The following CCDC183 variants were observed in gnomAD, a reference collection of about 807,000 sequenced individuals.
The protein encoded by CCDC183 is coiled-coil domain-containing protein 183.
CCDC183 carries 63 observed loss-of-function variants against 65.2 expected under a neutral mutation model. The ratio of observed to expected loss-of-function variants is 0.97; its 90% CI spans 0.79 to 1.19. CCDC183 has a LOEUF of 1.19. CCDC183 is among the 50% of genes most tolerant of loss of function. The probability of loss-of-function intolerance (pLI) is 0.00; values close to 1 mark genes in which losing one functional copy is unlikely to be tolerated. For missense variants in CCDC183, 769 were observed against 689.3 expected (o/e 1.12, Z -1.30); for synonymous variants, 323 against 276.5 (o/e 1.17, Z -1.67).
Position 136,807,659 on chromosome 9 carries a change from A to AGGCGGCCAATCTTG in CCDC183, c.1575_1576insGCGGCCAATCTTGG (p.Leu526AlafsTer27). 1 of 1,604,150 alleles carries AGGCGGCCAATCTTG rather than the reference A, an allele frequency of 6.2e-7. No individual in the cohort carries two copies. Among genetic ancestry groups the AGGCGGCCAATCTTG allele is most frequent in the East Asian group, 2.3e-5 (1 of 44,320 alleles). ...CAGGCGCAGCGGCTAATCGAGGGGAAGCTCAAGGCGGCCAAGAAAAAGAAG... is the reference window on the plus strand; with the variant it reads ...CAGGCGCAGCGGCTAATCGAGGGGAAGGCGGCCAATCTTGGCTCAAGGCGGCCAAGAAAAAGAAG... On this transcript the variant is annotated frameshift_variant, in exon 14 of 14. Transcript: ENST00000338005. LOFTEE classifies it high-confidence loss of function.
intron 11 of CCDC183, 42 bp downstream of exon 11, chr9:136,806,714 G>A (rs377524386): frequency 6.2e-7 from 1 of 1,613,220 alleles, no homozygotes; most frequent in African/African-American, 1.3e-5. Context: ...CAGGTCCCTG[G>A]GCAGGGCCAG....
Position 136,804,101 on chromosome 9 carries a change from T to G in CCDC183, c.667-401T>G. ...ACGAGAGTGGCGAGGGTGAGAGCAGTGTCTGGGGTGCGTGAGCAGGGGTTA... is the reference window on the plus strand; with the variant it reads ...ACGAGAGTGGCGAGGGTGAGAGCAGGGTCTGGGGTGCGTGAGCAGGGGTTA... On this transcript the variant is annotated intron_variant, in intron 6 of 13. Coordinates refer to ENST00000338005, the MANE Select transcript of CCDC183 (RefSeq NM_001039374.5). The surrounding 1 kb of genome is among the most constrained non-coding windows in gnomAD (Gnocchi z 4.1). 1 of 210,132 alleles carries G rather than the reference T, an allele frequency of 4.8e-6. No individual in the cohort carries two copies. 13.0% of individuals were successfully genotyped at this position (210,132 alleles called of 1,614,324 possible). A position where few individuals can be genotyped will look rare whatever the true frequency, so the allele number is the denominator to read the frequency against.
Position 136,805,343 on chromosome 9 carries a change from C to T in CCDC183, c.848-14C>T. ...TCCCTGCATGCTGACTGCCCCTCCC[C>T]TCTGCTCTGCCAGTGAGGAGAAAAG... On this transcript the variant is annotated splice_polypyrimidine_tract_variant and intron_variant, in intron 8 of 13. Transcript: ENST00000338005. 1 of 1,608,084 alleles carries T rather than the reference C, an allele frequency of 6.2e-7. No individual in the cohort carries two copies.
At position 136,799,441 on chromosome 9, in the gene CCDC183, T is replaced by A. The variant is rs551030286; in HGVS notation, c.192+218T>A. 76 of 818,748 alleles carry A rather than the reference T, an allele frequency of 9.3e-5. No individual in the cohort carries two copies. The Admixed American group carries it at 1.3e-3, about 14-fold the overall frequency. 50.7% of individuals were successfully genotyped at this position (818,748 alleles called of 1,614,324 possible). A position where few individuals can be genotyped will look rare whatever the true frequency, so the allele number is the denominator to read the frequency against. On this transcript the variant is annotated intron_variant, in intron 2 of 13. Transcript: ENST00000338005. ...CACCACCCAACCCGAGGGCTTGGCA[T>A]CTGTGAGCCCACATCCTGCAGCAGG...
chr9:136,800,162 T>G lies in CCDC183; in HGVS notation c.431T>G (p.Leu144Arg). ...QPDASKEELR[L>R]LQIIRQLENN... ...GACGCCAGCAAGGAGGAGCTGCGGC[T>G]GCTGCAGGTGGAGAGGCGGGGCTGG... Residue 144 changes from leucine (L) to arginine (R), a missense_variant, in exon 4 of 14, where the codon CTG (leucine) becomes CGG (arginine). Coordinates refer to ENST00000338005, the MANE Select transcript of CCDC183 (RefSeq NM_001039374.5). 6 of 1,250,784 alleles carry G rather than the reference T, an allele frequency of 4.8e-6. No homozygotes were observed. Among genetic ancestry groups the G allele is most frequent in the Non-Finnish European group, 6.4e-6 (6 of 940,188 alleles). The allele number at this position is 1,250,784 out of a possible 1,614,324, so 77.5% of individuals were successfully genotyped here. A position where few individuals can be genotyped will look rare whatever the true frequency, so the allele number is the denominator to read the frequency against.
Position 136,804,368 on chromosome 9 carries a change from G to C in CCDC183, c.667-134G>C, listed in dbSNP as rs903218620. 8 of 1,236,616 alleles carry C rather than the reference G, an allele frequency of 6.5e-6. No homozygotes were observed. Among genetic ancestry groups the C allele is most frequent in the African/African-American group, 4.5e-5 (3 of 66,060 alleles). 76.6% of individuals were successfully genotyped at this position (1,236,616 alleles called of 1,614,324 possible). On this transcript the variant is annotated intron_variant, in intron 6 of 13. Coordinates refer to ENST00000338005, the MANE Select transcript of CCDC183 (RefSeq NM_001039374.5). This position sits in a 1 kb window ranked among gnomAD's most constrained non-coding sequence, Gnocchi z 4.1. ...ACGGGCACAAGTGGTTTAGGAAAAG[G>C]GTGTGGCCATTGGCCGGGGATGCAG...
rs139238147 is a variant in CCDC183, at chr9:136,806,849, G to A, written c.1371G>A (p.Met457Ile). The A allele has an allele frequency of 6.2e-7, 1 of 1,613,380 alleles. No homozygotes were observed. Among genetic ancestry groups the A allele is most frequent in the African/African-American group, 1.3e-5 (1 of 74,914 alleles). Residue 457 changes from methionine to isoleucine, a missense_variant, in exon 12 of 14, where the codon ATG (methionine) becomes ATA (isoleucine). By Grantham distance (10) the Met-to-Ile change is conservative (BLOSUM62 1). Transcript: ENST00000338005. Reference protein sequence around the residue: ...KLTYLADRVQMVSRTEEGDTK... With the variant: ...KLTYLADRVQIVSRTEEGDTK... ...CGTACCTGGCTGACAGAGTGCAGAT[G>A]GTGTCCAGGACCGAGGAGGTAGCCC...
intron 8 of CCDC183, chr9:136,805,143 C>T (rs537094537): frequency 1.5e-5 from 9 of 596,990 alleles, no homozygotes; most frequent in South Asian, 8.0e-5. Flanking sequence ...CCACTCACTC[C>T]GGGTCCACCT....
intron 12 of CCDC183, 38 bp from the exon 13 acceptor site, chr9:136,806,932 A>G (rs1368594260): frequency 1.8e-5 from 29 of 1,613,456 alleles, no homozygotes; most frequent in Non-Finnish European, 2.4e-5. Flanking sequence ...GCTCCCGTTC[A>G]GAGTGTCTGC....
At position 136,800,025 on chromosome 9, in the gene CCDC183, G is replaced by T. The variant is rs1325763345; in HGVS notation, c.294G>T (p.Lys98Asn). The change falls in exon 4 of 14, where the codon AAG becomes AAT. Residue 98 changes from lysine (K) to asparagine (N), a missense_variant. By Grantham distance (94) the Lys-to-Asn change is moderately conservative. Coordinates refer to ENST00000338005, the MANE Select transcript of CCDC183 (RefSeq NM_001039374.5). The stretch of plus-strand genomic sequence containing the variant: ...AGGTGGTGCGGGAGAAGCTGCGCAA[G>T]TACGTCTTCGACCGCGTGAACATGC... ...TMEVVREKLRKYVFDRVNMHN... is the reference protein window; with the variant it reads ...TMEVVREKLRNYVFDRVNMHN... The T allele has an allele frequency of 1.3e-6, 2 of 1,590,498 alleles. No homozygotes were observed. The highest frequency in any genetic ancestry group is 1.3e-5 in the African/African-American group (1 of 74,796).
At chr9:136,803,807 A>G in intron 6 of CCDC183, 1 of 154,676 alleles carries the variant, frequency 6.5e-6, no homozygotes, top group South Asian at 2.0e-4. Flanking sequence ...GCGTGTGGCC[A>G]GGGCAGTGGA....
At position 136,804,336 on chromosome 9, in the gene CCDC183, A is replaced by T. The variant is rs1804298436; in HGVS notation, c.667-166A>T. ...CATGGGCAAGGAGGGCCGTGAGCTG[A>T]GGGGCCACGGGCACAAGTGGTTTAG... On this transcript the variant is annotated intron_variant, in intron 6 of 13. Coordinates refer to ENST00000338005, the MANE Select transcript of CCDC183 (RefSeq NM_001039374.5). This position sits in a 1 kb window ranked among gnomAD's most constrained non-coding sequence, Gnocchi z 4.1. 1.1e-6 allele frequency: 1 copy of T among 905,672 alleles called. No homozygotes were observed. The highest frequency in any genetic ancestry group is 1.6e-6 in the Non-Finnish European group (1 of 616,936). The allele number at this position is 905,672 out of a possible 1,614,324, so 56.1% of individuals were successfully genotyped here. A position where few individuals can be genotyped will look rare whatever the true frequency, so the allele number is the denominator to read the frequency against.
Position 136,806,197 on chromosome 9 carries a change from G to A in CCDC183, c.1068G>A (p.Glu356=), listed in dbSNP as rs1564352155. The A allele has an allele frequency of 1.9e-6, 3 of 1,575,882 alleles. No individual in the cohort carries two copies. Among genetic ancestry groups the A allele is most frequent in the African/African-American group, 1.4e-5 (1 of 73,936 alleles). The change falls in exon 10 of 14, where the codon GAG becomes GAA. Residue 356 remains glutamate (E), a synonymous_variant. Transcript: ENST00000338005. ...LKALVKQLEL[E]EAVLKFRQKP... Reference sequence around the variant, plus strand: ...CCCTGGTGAAGCAGCTGGAGCTGGAGGAGGCCGTGCTCAAGTTCCGCCAGA... The same window carrying A: ...CCCTGGTGAAGCAGCTGGAGCTGGAAGAGGCCGTGCTCAAGTTCCGCCAGA...
chr9:136,806,208 T>C lies in CCDC183; in HGVS notation c.1079T>C (p.Leu360Pro). The C allele has an allele frequency of 6.3e-7, 1 of 1,584,488 alleles. No individual in the cohort carries two copies. The highest frequency in any genetic ancestry group is 8.6e-7 in the Non-Finnish European group (1 of 1,165,332). Reference protein sequence around the residue: ...VKQLELEEAVLKFRQKPSSIS... With the variant: ...VKQLELEEAVPKFRQKPSSIS... ...CAGCTGGAGCTGGAGGAGGCCGTGC[T>C]CAAGTTCCGCCAGAAGCCTAGCTCC... Residue 360 changes from leucine (L) to proline (P), a missense_variant, in exon 10 of 14, where the codon CTC (leucine) becomes CCC (proline). By Grantham distance (98) the Leu-to-Pro change is moderately conservative. Transcript: ENST00000338005.
intron 9 of CCDC183, 168 bp from the exon 10 acceptor site, chr9:136,805,910 C>T (rs1388897707): frequency 1.6e-5 from 10 of 619,268 alleles, no homozygotes; most frequent in Non-Finnish European, 2.5e-5. Context: ...GGGAGGATCG[C>T]TTGAGTCTGG....
rs750274277 is a variant in CCDC183 at position 136,804,546 on chromosome 9, G to A, written c.711G>A (p.Arg237=). The A allele has an allele frequency of 6.2e-7, 1 of 1,613,536 alleles. No homozygotes were observed. The highest frequency in any genetic ancestry group is 1.1e-5 in the South Asian group (1 of 91,076). Residue 237 remains arginine (R), a synonymous_variant, in exon 7 of 14, where the codon CGG becomes CGA. Coordinates refer to ENST00000338005, the MANE Select transcript of CCDC183 (RefSeq NM_001039374.5). This position sits in a 1 kb window ranked among gnomAD's most constrained non-coding sequence, Gnocchi z 4.1. ...QREASFIEER[R]ARENRLNQQK... is the part of the protein sequence containing the mutation. ...AGGCGTCCTTCATCGAGGAGCGCCG[G>A]GCAAGGGAGAACCGGCTCAACCAGC...
chr9:136,796,368 C>CA lies in CCDC183; in HGVS notation c.-29dup. 2 of 1,494,666 alleles carry CA rather than the reference C, an allele frequency of 1.3e-6. No individual in the cohort carries two copies. The highest frequency in any genetic ancestry group is 1.8e-6 in the Non-Finnish European group (2 of 1,088,378). The allele number at this position is 1,494,666 out of a possible 1,614,324, so 92.6% of individuals were successfully genotyped here. On this transcript the variant is annotated 5_prime_UTR_variant, in exon 1 of 14. Transcript: ENST00000338005. The stretch of plus-strand genomic sequence containing the variant: ...GAGCCCAGGGAGGCTTTGAGGTACA[C>CA]AGGGTCCCTTGGGGGGCCTGAGAGC...
rs1021220996 is a variant in CCDC183 at position 136,807,726 on chromosome 9, A to G, written c.*36A>G. ...CCGCTCCCTGCTTTGCTACACAAAT[A>G]AACATTTTTCCAGGACTGCTGCGGA... On this transcript the variant is annotated 3_prime_UTR_variant, in exon 14 of 14. Coordinates refer to ENST00000338005, the MANE Select transcript of CCDC183 (RefSeq NM_001039374.5). The G allele has an allele frequency of 6.4e-7, 1 of 1,573,266 alleles. No homozygotes were observed. The highest frequency in any genetic ancestry group is 8.6e-7 in the Non-Finnish European group (1 of 1,159,494).
Position 136,804,290 on chromosome 9 carries a change from G to C in CCDC183, c.667-212G>C. 1 of 608,856 alleles carries C rather than the reference G, an allele frequency of 1.6e-6. No individual in the cohort carries two copies. Among genetic ancestry groups the C allele is most frequent in the Non-Finnish European group, 2.8e-6 (1 of 360,776 alleles). 37.7% of individuals were successfully genotyped at this position (608,856 alleles called of 1,614,324 possible). ...GCGGCTGGAGGGCAGCAGAGCGTCT[G>C]GGCTGGCACATGCTCTGAGGCATGG... On this transcript the variant is annotated intron_variant, in intron 6 of 13. Coordinates refer to ENST00000338005, the MANE Select transcript of CCDC183 (RefSeq NM_001039374.5). This position sits in a 1 kb window ranked among gnomAD's most constrained non-coding sequence, Gnocchi z 4.1.
Sources: gnomAD v4.1 joint callset for allele counts on GRCh38, gnomAD v4.1.1 for gene constraint, Gnocchi (gnomAD v3.1) non-coding constraint, MANE v1.5 for transcripts, NCBI Gene and HGNC (gene_info 2026-07-23, HGNC 2026-07-21) for gene names.